The following DOK7 variants were observed in gnomAD, a reference collection of about 807,000 sequenced individuals.
DOK7 encodes protein Dok-7.
In DOK7, 32 loss-of-function variants were observed where a neutral mutation model predicts 30.7. The ratio of observed to expected loss-of-function variants is 1.04; its 90% CI spans 0.79 to 1.40. The LOEUF (loss-of-function observed/expected upper bound fraction) is 1.40. Ranked by LOEUF, DOK7 falls within the 40% of genes most tolerant of loss-of-function variation. The pLI, the probability that DOK7 is intolerant of heterozygous loss-of-function variation, is 0.00. For synonymous variants in DOK7, 447 were observed against 324.1 expected (o/e 1.38, Z -4.07); for missense variants, 1,007 against 699.2 (o/e 1.44, Z -4.97).
At chr4:3,485,855 G>A (rs372411578) in intron 5 of DOK7, among the ~76,000 whole-genome samples, 197 bp downstream of exon 5, 5 of 152,248 alleles carry the variant, frequency 3.3e-5, no homozygotes, top group East Asian at 1.9e-4. Flanking sequence ...TCAGAGCAGC[G>A]GGGGCTGGGC....
intron 3 of DOK7, among the ~76,000 whole-genome samples, chr4:3,474,697 A>C (rs879475377): frequency 6.6e-6 from 1 of 152,076 alleles, no homozygotes; most frequent in Admixed American, 6.5e-5. Context: ...TGGTGGGCAC[A>C]TGTAATCCCA....
rs1381090956 is a variant in DOK7, at chr4:3,490,503, CT to C, written c.772+708del. Among the ~76,000 whole-genome samples the C allele has an allele frequency of 3.7e-3, 475 of 126,744 alleles. 8 individuals are homozygous for C. The highest frequency in any genetic ancestry group is 0.014 in the African/African-American group (441 of 31,486). 83.1% of individuals were successfully genotyped at this position (126,744 alleles called of 152,430 possible). On this transcript the variant is annotated intron_variant, in intron 6 of 6. Transcript: ENST00000340083. ...GCTCATTCATTCCTTCCTTTTCCCC[CT>C]GCTCATTCTTTCCTTCACCCCCCCG...
At chr4:3,473,358 C>T (rs370952720) in intron 2 of DOK7, 48 bp from the exon 3 acceptor site, 32 of 1,587,526 alleles carry the variant, frequency 2.0e-5, no homozygotes, top group Non-Finnish European at 2.4e-5. Context: ...GCCAAGGGTG[C>T]GGGCAGGCGG....
At chr4:3,482,088 C>G (rs1422299071) in intron 4 of DOK7, among the ~76,000 whole-genome samples, 1 of 152,192 alleles carries the variant, frequency 6.6e-6, no homozygotes, top group African/African-American at 2.4e-5. Flanking sequence ...TCCCCCACAA[C>G]AGGGCTCCTA....
At chr4:3,463,736 G>A (rs1225313649) in intron 2 of DOK7, among the ~76,000 whole-genome samples, 185 bp downstream of exon 2, 1 of 152,198 alleles carries the variant, frequency 6.6e-6, no homozygotes, top group Non-Finnish European at 1.5e-5. Flanking sequence ...CTGGACGGAA[G>A]AACCCTCTTT....
At chr4:3,477,589 C>A (rs1013433773) in intron 4 of DOK7, among the ~76,000 whole-genome samples, 7 of 152,244 alleles carry the variant, frequency 4.6e-5, no homozygotes, top group African/African-American at 1.7e-4. Context: ...CCTGTTGGGG[C>A]CTTTGAGGAG....
rs375795223 is a variant in DOK7 at position 3,493,089 on chromosome 4, A to G, written c.1103A>G (p.Glu368Gly). 59 of 1,578,856 alleles carry G rather than the reference A, an allele frequency of 3.7e-5. No homozygotes were observed. The highest frequency in any genetic ancestry group is 4.6e-5 in the Non-Finnish European group (54 of 1,166,682). Residue 368 changes from glutamate to glycine, a missense_variant, in exon 7 of 7, where the codon GAA becomes GGA. Transcript: ENST00000340083. The stretch of plus-strand genomic sequence containing the variant: ...CTGGACGTGTGGCGGGCCACAGATG[A>G]ACTGGGCTCACTGCTCAGCCTGCCA... ...SSLDVWRATDELGSLLSLPAA... is the reference protein window; with the variant it reads ...SSLDVWRATDGLGSLLSLPAA...
intron 6 of DOK7, among the ~76,000 whole-genome samples, chr4:3,499,507 C>T (rs769531621): frequency 2.6e-5 from 4 of 152,252 alleles, no homozygotes; most frequent in South Asian, 2.1e-4. Context: ...GGCCGGTGTG[C>T]GTCCAACCCC....
intron 6 of DOK7, among the ~76,000 whole-genome samples, chr4:3,491,958 G>A (rs1728494419): frequency 6.6e-6 from 1 of 152,260 alleles, no homozygotes; most frequent in South Asian, 2.1e-4. Flanking sequence ...GTCCCCCAGA[G>A]GGCACCAAGC....
At chr4:3,499,183 C>G (rs1729071500), downstream of DOK7, among the ~76,000 whole-genome samples, 1 of 152,216 alleles carries the variant, frequency 6.6e-6, no homozygotes, top group Non-Finnish European at 1.5e-5. Flanking sequence ...AGGCCCCTCC[C>G]CTGGACAGGC....
chr4:3,471,822 G>A (rs1367625527), intron 2 of DOK7, among the ~76,000 whole-genome samples: 1 of 152,248 alleles, frequency 6.6e-6, no homozygotes, highest in African/African-American at 2.4e-5. Context: ...GAATGAGGGG[G>A]CTTCTTTCTC....
chr4:3,467,199 G>A (rs1326094058), intron 2 of DOK7, among the ~76,000 whole-genome samples: 1 of 106,384 alleles, frequency 9.4e-6, no homozygotes, highest in East Asian at 4.3e-4. Flanking sequence ...CCCCCCCACT[G>A]CGTCCCCGGC....
At chr4:3,481,794 A>C (rs1336868611) in intron 4 of DOK7, among the ~76,000 whole-genome samples, 1 of 152,176 alleles carries the variant, frequency 6.6e-6, no homozygotes, top group Non-Finnish European at 1.5e-5. Flanking sequence ...ACCATCTTAG[A>C]TCTAATTGGC....
rs375631042 is a variant in DOK7 at position 3,485,570 on chromosome 4, G to C, written c.564G>C (p.Glu188Asp). ...GCGTCTTCTTCCTGTCCTCGGCCGA[G>C]GGGGAGCAGATCAGCTTCCTGTTCG... Reference protein sequence around the residue: ...WAGVFFLSSAEGEQISFLFDC... With the variant: ...WAGVFFLSSADGEQISFLFDC... The change falls in exon 5 of 7, where the codon GAG becomes GAC. Residue 188 changes from glutamate to aspartate, a missense_variant. Transcript: ENST00000340083. 2.1e-5 allele frequency: 34 copies of C among 1,607,044 alleles called. No homozygotes were observed. The highest frequency in any genetic ancestry group is 1.8e-4 in the South Asian group (16 of 90,154).
At chr4:3,482,053 T>G (rs565187944) in intron 4 of DOK7, among the ~76,000 whole-genome samples, 37 of 152,222 alleles carry the variant, frequency 2.4e-4, no homozygotes, top group African/African-American at 8.2e-4. Context: ...TTCCATGCTC[T>G]TTCCTCTTAC....
chr4:3,467,092 C>T (rs548312795), intron 2 of DOK7, among the ~76,000 whole-genome samples: 179 of 152,196 alleles, frequency 1.2e-3, no homozygotes, highest in African/African-American at 4.1e-3. Flanking sequence ...CTACCACCTG[C>T]GTTGCTAAGG....
chr4:3,463,383 AGGC>A lies in DOK7; in HGVS notation c.13_15del (p.Ala5del), dbSNP rs1345243369. 2 of 1,427,222 alleles carry A rather than the reference AGGC, an allele frequency of 1.4e-6. No homozygotes were observed. Among genetic ancestry groups the A allele is most frequent in the Non-Finnish European group, 1.8e-6 (2 of 1,101,124 alleles). The allele number at this position is 1,427,222 out of a possible 1,614,324, so 88.4% of individuals were successfully genotyped here. On this transcript the variant is annotated inframe_deletion, in exon 1 of 7. Coordinates refer to ENST00000340083, the MANE Select transcript of DOK7 (RefSeq NM_173660.5). Reference sequence around the variant, plus strand: ...GCGGAACCATGACAGAAGATGACCGAGGCGGCGCTGGTGGAGGGCCAGGTCAAG... The same window carrying A: ...GCGGAACCATGACAGAAGATGACCGAGGCGCTGGTGGAGGGCCAGGTCAAG...
At chr4:3,494,686 G>C (rs1028836299), downstream of DOK7, among the ~76,000 whole-genome samples, 1 of 152,048 alleles carries the variant, frequency 6.6e-6, no homozygotes, top group African/African-American at 2.4e-5. Context: ...CCCGGGCTGG[G>C]ATGTGCATGT....
downstream of DOK7, among the ~76,000 whole-genome samples, chr4:3,497,801 T>C (rs1728996821): frequency 6.6e-6 from 1 of 152,086 alleles, no homozygotes; most frequent in Non-Finnish European, 1.5e-5. Context: ...CAGTCTGCCT[T>C]GGCCCTGGGC....
Sources: gnomAD v4.1 joint callset for allele counts (sites outside exome capture counted in the v4.1 genomes callset) on GRCh38, gnomAD v4.1.1 for gene constraint, MANE v1.5 for transcripts, NCBI Gene and HGNC (gene_info 2026-07-23, HGNC 2026-07-21) for gene names.